The following KCNMB2 variants were observed in gnomAD, a reference collection of about 807,000 sequenced individuals.
KCNMB2 encodes the protein calcium-activated potassium channel subunit beta-2.
KCNMB2 carries 9 observed loss-of-function variants against 24.5 expected under a neutral mutation model. The observed-to-expected ratio is 0.37, with a 90% CI of 0.22 to 0.64. The LOEUF is 0.64. Ranked by LOEUF, KCNMB2 falls within the 30% of genes least tolerant of loss-of-function variation. KCNMB2 has a pLI of 0.63. For missense variants in KCNMB2, 226 were observed against 284.3 expected, an observed-to-expected ratio of 0.79 and a Z score of 1.47; for synonymous variants, 109 against 104.4, an observed-to-expected ratio of 1.04 and a Z score of -0.27.
intron 1 of KCNMB2, among the ~76,000 whole-genome samples, chr3:178,696,483 C>A (rs1263599269): frequency 6.6e-6 from 1 of 152,042 alleles, no homozygotes. Context: ...TGAATCTTTT[C>A]TCTTTTGTTC....
At chr3:178,626,292 A>AT (rs1719115711) in intron 1 of KCNMB2, among the ~76,000 whole-genome samples, 1 of 152,208 alleles carries the variant, frequency 6.6e-6, no homozygotes, top group Admixed American at 6.5e-5. Context: ...TTGATTTCTC[A>AT]TTTATGAAGT....
chr3:178,733,014 C>A (rs1025845880), intron 1 of KCNMB2, among the ~76,000 whole-genome samples: 1 of 152,026 alleles, frequency 6.6e-6, no homozygotes, highest in Admixed American at 6.5e-5. Flanking sequence ...GTTAAAATTG[C>A]GCAATAAATA....
At chr3:178,798,795 T>C (rs1188846596) in intron 1 of KCNMB2, among the ~76,000 whole-genome samples, 2 of 151,942 alleles carry the variant, frequency 1.3e-5, no homozygotes, top group Admixed American at 6.6e-5. Context: ...TACTAGGTGA[T>C]GGGTTGATAG....
chr3:178,739,697 G>A (rs1019024807), intron 1 of KCNMB2, among the ~76,000 whole-genome samples: 1 of 152,158 alleles, frequency 6.6e-6, no homozygotes, highest in Non-Finnish European at 1.5e-5. Context: ...ACAGGAAAAA[G>A]ATGCCCATAA....
chr3:178,709,466 T>C lies in KCNMB2; in HGVS notation c.-67-97877T>C, dbSNP rs536507782. Among the ~76,000 whole-genome samples the C allele has an allele frequency of 2.6e-5, 4 of 152,290 alleles. No homozygotes were observed. The East Asian group carries it at 7.7e-4, about 29-fold the overall frequency. On this transcript the variant is annotated intron_variant, in intron 1 of 4. Coordinates refer to ENST00000452583, the MANE Select transcript of KCNMB2 (RefSeq NM_181361.3). The stretch of plus-strand genomic sequence containing the variant: ...TTAATTTTACACTGGTTTTCTGAGA[T>C]TGTCACTAGCAGCAGTCACTGTCAG...
intron 1 of KCNMB2, among the ~76,000 whole-genome samples, chr3:178,593,796 A>G (rs530702843): frequency 6.7e-6 from 1 of 150,230 alleles, no homozygotes; most frequent in Admixed American, 6.7e-5. Context: ...TCCACCTTAG[A>G]TTCTTAAAAT....
chr3:178,610,403 T>A (rs1023479472), intron 1 of KCNMB2, among the ~76,000 whole-genome samples: 1 of 152,218 alleles, frequency 6.6e-6, no homozygotes, highest in Non-Finnish European at 1.5e-5. Context: ...ATTTTTCCAT[T>A]TTTTGATGTC....
chr3:178,704,342 A>G (rs1042570512), intron 1 of KCNMB2, among the ~76,000 whole-genome samples: 1 of 152,138 alleles, frequency 6.6e-6, no homozygotes, highest in South Asian at 2.1e-4. Flanking sequence ...ACCCCTGCAT[A>G]CATTCCAAAC....
chr3:178,676,055 G>A (rs1192789211), intron 1 of KCNMB2, among the ~76,000 whole-genome samples: 1 of 152,190 alleles, frequency 6.6e-6, no homozygotes, highest in Non-Finnish European at 1.5e-5. Flanking sequence ...GATAGGGTCA[G>A]TATTCAAACT....
intron 1 of KCNMB2, among the ~76,000 whole-genome samples, chr3:178,545,574 T>C (rs1715747310): frequency 1.3e-5 from 2 of 152,234 alleles, no homozygotes; most frequent in African/African-American, 2.4e-5. Context: ...AGGCACTTTA[T>C]GAGAAGGATA....
chr3:178,608,738 T>C (rs918938113), intron 1 of KCNMB2, among the ~76,000 whole-genome samples: 1 of 152,138 alleles, frequency 6.6e-6, no homozygotes, highest in African/African-American at 2.4e-5. Context: ...TTGTTCTGAT[T>C]TTTAGATCCC....
At chr3:178,799,258 T>C (rs1186913747) in intron 1 of KCNMB2, among the ~76,000 whole-genome samples, 1 of 152,096 alleles carries the variant, frequency 6.6e-6, no homozygotes, top group East Asian at 1.9e-4. Flanking sequence ...TTGAAGACTA[T>C]ATAATCTTAT....
chr3:178,596,983 C>G (rs993973303), intron 1 of KCNMB2, among the ~76,000 whole-genome samples: 1 of 152,098 alleles, frequency 6.6e-6, no homozygotes, highest in African/African-American at 2.4e-5. Flanking sequence ...GAAGAGAGAA[C>G]AGGGTGGGTG....
intron 1 of KCNMB2, among the ~76,000 whole-genome samples, chr3:178,734,565 C>A (rs1018501584): frequency 1.3e-5 from 2 of 152,182 alleles, no homozygotes; most frequent in African/African-American, 4.8e-5. Context: ...TTGGCATGCA[C>A]AATTCTAGCG....
chr3:178,546,258 T>TC (rs1715769758), intron 1 of KCNMB2, among the ~76,000 whole-genome samples: 1 of 152,154 alleles, frequency 6.6e-6, no homozygotes, highest in South Asian at 2.1e-4. Context: ...TAGGTCTATT[T>TC]CCCCATTGAC....
intron 1 of KCNMB2, among the ~76,000 whole-genome samples, chr3:178,660,552 C>T (rs1403409729): frequency 6.6e-6 from 1 of 152,174 alleles, no homozygotes; most frequent in African/African-American, 2.4e-5. Flanking sequence ...TGACAAGACC[C>T]TCTTTGCTTA....
At chr3:178,787,999 C>T (rs186671712) in intron 1 of KCNMB2, among the ~76,000 whole-genome samples, 1 of 152,190 alleles carries the variant, frequency 6.6e-6, no homozygotes, top group Admixed American at 6.6e-5. Flanking sequence ...GCATTATGTA[C>T]ATAGGTCTAG....
chr3:178,638,960 A>C (rs1719626523), intron 1 of KCNMB2, among the ~76,000 whole-genome samples: 1 of 152,134 alleles, frequency 6.6e-6, no homozygotes, highest in South Asian at 2.1e-4. Context: ...TAGACCATTG[A>C]CTTAAGGTAG....
Position 178,728,962 on chromosome 3 carries a change from G to C in KCNMB2, c.-67-78381G>C, listed in dbSNP as rs113721440. Among the ~76,000 whole-genome samples, 276 of 152,186 alleles carry C rather than the reference G, an allele frequency of 1.8e-3. 3 individuals are homozygous for C. The highest frequency in any genetic ancestry group is 6.3e-3 in the African/African-American group (261 of 41,516). ...TCAAGTGTTGGTAAGTTGATACATA[G>C]CTCTACTTAACTCTTTAGGAGAAAG... On this transcript the variant is annotated intron_variant, in intron 1 of 4. Transcript: ENST00000452583.
Sources: allele counts gnomAD v4.1 joint callset (sites outside exome capture counted in the v4.1 genomes callset), GRCh38; gene constraint gnomAD v4.1.1; transcripts MANE v1.5; gene names NCBI Gene and HGNC (gene_info 2026-07-23, HGNC 2026-07-21).